INPP5B: variants seen among roughly 807,000 people sequenced by gnomAD.
The protein encoded by INPP5B is type II inositol 1,4,5-trisphosphate 5-phosphatase.
In INPP5B, 90 loss-of-function variants were observed where a neutral mutation model predicts 118.5. The observed-to-expected ratio is 0.76, with a 90% confidence interval of 0.64 to 0.90. The LOEUF (loss-of-function observed/expected upper bound fraction) is 0.90. Ranked by LOEUF, INPP5B falls within the 40% of genes least tolerant of loss-of-function variation. The pLI, the probability that INPP5B is intolerant of heterozygous loss-of-function variation, is 0.00. For missense variants in INPP5B, 984 were observed against 1,125.6 expected, an observed-to-expected ratio of 0.87 and a Z score of 1.80; for synonymous variants, 385 against 418.9, an observed-to-expected ratio of 0.92 and a Z score of 0.99.
Position 37,868,610 on chromosome 1 carries a change from A to T in INPP5B, c.2192T>A (p.Leu731Gln). 6.2e-7 allele frequency: 1 copy of T among 1,601,462 alleles called. No individual in the cohort carries two copies. Among genetic ancestry groups the T allele is most frequent in the Non-Finnish European group, 8.6e-7 (1 of 1,168,414 alleles). ...ATCATCTCCAGTCCATACTGGCATC[A>T]GAGTCTGGAAAGCAATCAAGATCAT... ...LPLETISELT[L>Q]MPVWTGDDGS... Residue 731 changes from leucine to glutamine, a missense_variant, in exon 20 of 24, where the codon CTG (leucine) becomes CAG (glutamine). Physicochemically the swap from Leu to Gln is moderately radical, Grantham distance 113. Coordinates refer to ENST00000373024, the MANE Select transcript of INPP5B (RefSeq NM_005540.3).
intron 7 of INPP5B, chr1:37,931,458 T>C: frequency 2.6e-6 from 4 of 1,530,468 alleles, no homozygotes; most frequent in Non-Finnish European, 3.5e-6. Context: ...GATTCCCAAG[T>C]ACCCCATTCC....
chr1:37,867,749 A>G (rs1031496869), intron 20 of INPP5B, among the ~76,000 whole-genome samples: 3 of 152,154 alleles, frequency 2.0e-5, no homozygotes, highest in Admixed American at 2.0e-4. Flanking sequence ...AAACTAACCA[A>G]TCTGATTAGT....
Position 37,873,342 on chromosome 1 carries a change from T to A in INPP5B, c.1952-177A>T, listed in dbSNP as rs1052668398. On this transcript the variant is annotated intron_variant, in intron 18 of 23. Coordinates refer to ENST00000373024, the MANE Select transcript of INPP5B (RefSeq NM_005540.3). Reference sequence around the variant, plus strand: ...GCAGGAGACACAAGAACAAAGAGTTTATAGTCCAACTGGGAATATGAAAAC... The same window carrying A: ...GCAGGAGACACAAGAACAAAGAGTTAATAGTCCAACTGGGAATATGAAAAC... 62 of 600,714 alleles carry A rather than the reference T, an allele frequency of 1.0e-4. No individual in the cohort carries two copies. The South Asian group carries it at 1.1e-3, about 11-fold the overall frequency. 37.2% of individuals were successfully genotyped at this position (600,714 alleles called of 1,614,324 possible).
intron 7 of INPP5B, among the ~76,000 whole-genome samples, chr1:37,908,740 TG>T (rs1395086080): frequency 6.6e-6 from 1 of 152,186 alleles, no homozygotes; most frequent in African/African-American, 2.4e-5. Context: ...GTCTGATCAC[TG>T]CGGGGACACC....
intron 8 of INPP5B, among the ~76,000 whole-genome samples, chr1:37,890,098 G>A (rs1190785716): frequency 6.6e-6 from 1 of 152,106 alleles, no homozygotes; most frequent in Non-Finnish European, 1.5e-5. Flanking sequence ...TGACAAGCCG[G>A]GCATGGTGAC....
chr1:37,870,162 T>TA (rs1019662394), intron 19 of INPP5B: 1 of 152,082 alleles, frequency 6.6e-6, no homozygotes, highest in Admixed American at 6.6e-5. Context: ...TTTTTTTTTT[T>TA]AGAGACTGTC....
chr1:37,937,502 C>T (rs1349967142), intron 6 of INPP5B, among the ~76,000 whole-genome samples: 1 of 152,020 alleles, frequency 6.6e-6, no homozygotes, highest in Non-Finnish European at 1.5e-5. Flanking sequence ...GACAGTCGCT[C>T]ACGCCTGTAA....
rs779133863 is a variant in INPP5B, at chr1:37,878,236, G to C, written c.1629C>G (p.Ala543=). Residue 543 remains alanine, a synonymous_variant, in exon 16 of 24, where the codon GCC becomes GCG. Transcript: ENST00000373024. ...ITQLSYQSHM[A]LKTSDHKPVS... ...CAGGCTTGTGGTCACTGGTCTTCAG[G>C]GCCATGTGGCTCTGGTAACTCAGCT... 3 of 1,613,940 alleles carry C rather than the reference G, an allele frequency of 1.9e-6. No individual in the cohort carries two copies. In the Admixed American group the frequency reaches 5.0e-5, roughly 27 times the overall value.
intron 14 of INPP5B, among the ~76,000 whole-genome samples, chr1:37,882,038 G>T (rs1643232112): frequency 6.6e-6 from 1 of 151,834 alleles, no homozygotes; most frequent in African/African-American, 2.4e-5. Flanking sequence ...GGCAGAGGTT[G>T]CAGCGAGCTG....
chr1:37,886,804 G>T (rs538693125), intron 12 of INPP5B, 84 bp downstream of exon 12: 10 of 934,424 alleles, frequency 1.1e-5, no homozygotes, highest in African/African-American at 3.2e-5. Flanking sequence ...ACTGGGACAC[G>T]TGTAGTCACT....
intron 15 of INPP5B, among the ~76,000 whole-genome samples, chr1:37,878,836 G>A (rs1366260437): frequency 6.6e-6 from 1 of 151,456 alleles, no homozygotes; most frequent in Non-Finnish European, 1.5e-5. Flanking sequence ...TTTTAGTAGA[G>A]GTGGGGTTTC....
intron 6 of INPP5B, 110 bp from the exon 7 acceptor site, chr1:37,932,163 G>C: frequency 1.3e-5 from 11 of 868,852 alleles, no homozygotes; most frequent in Non-Finnish European, 1.3e-5. Flanking sequence ...GCACAGAAGG[G>C]TTCTGTGCGC....
At chr1:37,935,106 T>C (rs554261971) in intron 6 of INPP5B, among the ~76,000 whole-genome samples, 2,346 of 147,002 alleles carry the variant, frequency 0.016, 65 homozygotes, top group African/African-American at 0.055. Flanking sequence ...GAGGCTGAGG[T>C]GGGAGAATGG....
chr1:37,897,254 C>T (rs1383607241), intron 7 of INPP5B, among the ~76,000 whole-genome samples: 2 of 150,364 alleles, frequency 1.3e-5, no homozygotes, highest in African/African-American at 4.9e-5. Flanking sequence ...TCATTGAGAA[C>T]GGGCCATGAT....
intron 21 of INPP5B, 53 bp downstream of exon 21, chr1:37,866,406 T>TCTCACA (rs748938943): frequency 1.8e-4 from 71 of 404,364 alleles, no homozygotes; most frequent in South Asian, 8.6e-4. Context: ...TCTCTCTCTC[T>TCTCACA]CACACACACA....
chr1:37,878,291 C>T lies in INPP5B; in HGVS notation c.1574G>A (p.Arg525Gln), dbSNP rs764139290. 20 of 1,614,052 alleles carry T rather than the reference C, an allele frequency of 1.2e-5. No homozygotes were observed. Among genetic ancestry groups the T allele is most frequent in the South Asian group, 2.2e-5 (2 of 91,080 alleles). The part of the protein sequence containing the change: ...EKCRAPAWCD[R>Q]ILWKGKNITQ... The stretch of plus-strand genomic sequence containing the variant: ...GATGTTCTTCCCTTTCCAGAGAATC[C>T]GATCACACCAGGCAGGAGCACGGCA... Residue 525 changes from arginine (R) to glutamine (Q), a missense_variant, in exon 16 of 24, where the codon CGG becomes CAG. By Grantham distance (43) the Arg-to-Gln change is conservative. Around this residue, in one of 2 missense-constraint regions of INPP5B, gnomAD observed 634 missense variants for 791.0 expected, o/e 0.80. Transcript: ENST00000373024.
intron 6 of INPP5B, among the ~76,000 whole-genome samples, chr1:37,936,963 T>C (rs1645721568): frequency 6.6e-6 from 1 of 152,064 alleles, no homozygotes; most frequent in Non-Finnish European, 1.5e-5. Flanking sequence ...CTCAGTTTCC[T>C]CATCTATGAA....
At chr1:37,868,864 C>T (rs1642218096) in intron 19 of INPP5B, among the ~76,000 whole-genome samples, 1 of 152,224 alleles carries the variant, frequency 6.6e-6, no homozygotes, top group Admixed American at 6.5e-5. Context: ...AGGAAAAAAT[C>T]ATTCCTATAG....
At chr1:37,940,414 G>A (rs1282311785) in intron 6 of INPP5B, among the ~76,000 whole-genome samples, 1 of 152,154 alleles carries the variant, frequency 6.6e-6, no homozygotes, top group Non-Finnish European at 1.5e-5. Flanking sequence ...AAGAGATTCT[G>A]CATCACAGTC....
Sources: gnomAD v4.1 joint callset for allele counts (sites outside exome capture counted in the v4.1 genomes callset) on GRCh38, gnomAD v4.1.1 for gene constraint, gnomAD v4.1.1 regional missense constraint, MANE v1.5 for transcripts, NCBI Gene and HGNC (gene_info 2026-07-23, HGNC 2026-07-21) for gene names.